CDC42EP4: variants seen among roughly 807,000 people sequenced by gnomAD.
The protein encoded by CDC42EP4 is CDC42 effector protein 4.
In CDC42EP4, 6 loss-of-function variants were observed where a neutral mutation model predicts 5.6. The ratio of observed to expected loss-of-function variants is 1.07; its 90% confidence interval spans 0.59 to 2.12. The LOEUF (loss-of-function observed/expected upper bound fraction) is 2.12. Ranked by LOEUF, CDC42EP4 falls within the 30% of genes most tolerant of loss-of-function variation. The pLI is 0.00. For missense variants in CDC42EP4, 490 were observed against 508.6 expected (o/e 0.96, Z 0.35); for synonymous variants, 230 against 224.2 (o/e 1.03, Z -0.23).
At chr17:73,297,515 C>A (rs775991284) in intron 1 of CDC42EP4, among the ~76,000 whole-genome samples, 7 of 151,966 alleles carry the variant, frequency 4.6e-5, no homozygotes, top group African/African-American at 1.7e-4. Context: ...GAAAAACAGG[C>A]AGAACATATA....
intron 1 of CDC42EP4, among the ~76,000 whole-genome samples, chr17:73,297,651 GTTTA>G (rs535638965): frequency 4.6e-5 from 7 of 151,244 alleles, no homozygotes; most frequent in South Asian, 4.2e-4. Context: ...TTTTCTTTTT[GTTTA>G]TTTATTTATT....
chr17:73,287,942 G>A (rs912792887), intron 1 of CDC42EP4, among the ~76,000 whole-genome samples: 3 of 152,082 alleles, frequency 2.0e-5, no homozygotes, highest in African/African-American at 7.2e-5. Context: ...CCATCCACAT[G>A]ACGCCCTACC....
At chr17:73,304,441 C>G (rs185196238) in intron 1 of CDC42EP4, among the ~76,000 whole-genome samples, 1 of 152,024 alleles carries the variant, frequency 6.6e-6, no homozygotes, top group Non-Finnish European at 1.5e-5. Context: ...TAGTCATACA[C>G]GGTCCCAAGC....
In CDC42EP4 at chr17:73,296,962, A is replaced by C. The variant is rs1353011654; in HGVS notation, c.-112-10350T>G. Among the ~76,000 whole-genome samples the C allele has an allele frequency of 5.0e-5, 6 of 119,028 alleles. 1 individual carries two copies. The highest frequency in any genetic ancestry group is 6.0e-4 in the South Asian group (2 of 3,340). 78.1% of individuals were successfully genotyped at this position (119,028 alleles called of 152,430 possible). ...CGCCACTGCAGTCTGGCCTGGGCGA[A>C]AGAGCAAGACTCCGTCTCAAAAAAA... On this transcript the variant is annotated intron_variant, in intron 1 of 1. Coordinates refer to ENST00000335793, the MANE Select transcript of CDC42EP4 (RefSeq NM_012121.5).
chr17:73,287,244 G>A (rs1187327737), intron 1 of CDC42EP4, among the ~76,000 whole-genome samples: 1 of 152,210 alleles, frequency 6.6e-6, no homozygotes, highest in African/African-American at 2.4e-5. Flanking sequence ...CACAGAACCA[G>A]CTCCCCAGCC....
intron 1 of CDC42EP4, among the ~76,000 whole-genome samples, chr17:73,288,953 A>G (rs2062147215): frequency 6.6e-6 from 1 of 152,118 alleles, no homozygotes; most frequent in Non-Finnish European, 1.5e-5. Context: ...CCTTGAGATG[A>G]TACTCTACTC....
In CDC42EP4 at chr17:73,286,014, C is replaced by T. The variant is rs2062131069; in HGVS notation, c.487G>A (p.Val163Met). ...CCCGCGGCCCCATTCCGACGGGGCA[C>T]TGCCTCCTCCGTGCCCGCCTCCTCA... is the stretch of plus-strand genomic sequence containing the variant. ...GDEEAGTEEA[V>M]PRRNGAAGPH... The change falls in exon 2 of 2, where the codon GTG (valine) becomes ATG (methionine). Residue 163 changes from valine (V) to methionine (M), a missense_variant. By Grantham distance (21) the Val-to-Met change is conservative. Transcript: ENST00000335793. The surrounding 1 kb of genome is among the most constrained non-coding windows in gnomAD (Gnocchi z 7.7). 1 of 1,613,536 alleles carries T rather than the reference C, an allele frequency of 6.2e-7. No homozygotes were observed. The highest frequency in any genetic ancestry group is 1.1e-5 in the South Asian group (1 of 91,082).
chr17:73,298,820 T>C (rs547573811), intron 1 of CDC42EP4, among the ~76,000 whole-genome samples: 5 of 152,362 alleles, frequency 3.3e-5, no homozygotes, highest in African/African-American at 1.2e-4. Context: ...TGCCAAGCAC[T>C]GTACTGAGGA....
Position 73,285,939 on chromosome 17 carries a change from T to C in CDC42EP4, c.562A>G (p.Thr188Ala). ...LLDEQAFGDL[T>A]DLPVVPKATY... Reference sequence around the variant, plus strand: ...GCCTTGGGCACGACAGGCAGATCTGTCAGATCCCCAAAGGCCTGCTCATCG... The same window carrying C: ...GCCTTGGGCACGACAGGCAGATCTGCCAGATCCCCAAAGGCCTGCTCATCG... Residue 188 changes from threonine to alanine, a missense_variant, in exon 2 of 2, where the codon ACA becomes GCA. Thr to Ala is a moderately conservative substitution (Grantham distance 58). Transcript: ENST00000335793. The surrounding 1 kb of genome is among the most constrained non-coding windows in gnomAD (Gnocchi z 6.8). 1.2e-6 allele frequency: 2 copies of C among 1,613,822 alleles called. No homozygotes were observed. The highest frequency in any genetic ancestry group is 4.5e-5 in the East Asian group (2 of 44,870).
intron 1 of CDC42EP4, among the ~76,000 whole-genome samples, chr17:73,310,427 C>A (rs1256281551): frequency 6.6e-6 from 1 of 152,076 alleles, no homozygotes; most frequent in Non-Finnish European, 1.5e-5. Context: ...CCCTCCAGCA[C>A]CCTGGACCCT....
intron 1 of CDC42EP4, among the ~76,000 whole-genome samples, chr17:73,289,577 C>G (rs2062150635): frequency 2.3e-5 from 2 of 85,748 alleles, no homozygotes; most frequent in African/African-American, 7.0e-5. Context: ...GAAAAAAAAC[C>G]ACCAAAAAGC....
chr17:73,288,925 G>A lies in CDC42EP4; in HGVS notation c.-112-2313C>T, dbSNP rs1223219334. ...GCAGACTTGCCACACAGTGACGTGG[G>A]CGAGGACGTGAGGGATGCCTTGAGA... On this transcript the variant is annotated intron_variant, in intron 1 of 1. Coordinates refer to ENST00000335793, the MANE Select transcript of CDC42EP4 (RefSeq NM_012121.5). Among the ~76,000 whole-genome samples, 3 of 152,206 alleles carry A rather than the reference G, an allele frequency of 2.0e-5. No individual in the cohort carries two copies. The South Asian group carries it at 6.2e-4, about 32-fold the overall frequency.
chr17:73,285,610 G>A lies in CDC42EP4; in HGVS notation c.891C>T (p.Arg297=), dbSNP rs1376077494. The A allele has an allele frequency of 1.2e-6, 2 of 1,607,594 alleles. No individual in the cohort carries two copies. Among genetic ancestry groups the A allele is most frequent in the Non-Finnish European group, 1.7e-6 (2 of 1,177,012 alleles). ...AAAAPSPGSA[R]SMGSHTTRDS... is the part of the protein sequence containing the mutation. ...CCCGTGTGGTGTGGCTGCCCATGCT[G>A]CGGGCTGAGCCGGGGCTGGGGGCCG... The change falls in exon 2 of 2, where the codon CGC becomes CGT. Residue 297 remains arginine (R), a synonymous_variant. Coordinates refer to ENST00000335793, the MANE Select transcript of CDC42EP4 (RefSeq NM_012121.5). This position sits in a 1 kb window ranked among gnomAD's most constrained non-coding sequence, Gnocchi z 6.8.
At chr17:73,310,617 G>C (rs1033949770) in intron 1 of CDC42EP4, among the ~76,000 whole-genome samples, 2 of 152,102 alleles carry the variant, frequency 1.3e-5, no homozygotes, top group African/African-American at 4.8e-5. Flanking sequence ...AACGAGAAAA[G>C]AAAAGGCATT....
At chr17:73,291,795 A>C (rs2062162630) in intron 1 of CDC42EP4, among the ~76,000 whole-genome samples, 1 of 152,166 alleles carries the variant, frequency 6.6e-6, no homozygotes, top group East Asian at 1.9e-4. Flanking sequence ...CTCCGGAGGA[A>C]CAGATTCCTC....
At chr17:73,297,129 A>G (rs1337379957) in intron 1 of CDC42EP4, among the ~76,000 whole-genome samples, 1 of 150,756 alleles carries the variant, frequency 6.6e-6, no homozygotes, top group Non-Finnish European at 1.5e-5. Context: ...CCCCATCTCT[A>G]CTAAAAATAC....
rs1071577 is a variant in CDC42EP4, at chr17:73,284,074, G to A, written c.*1356C>T. ...AGTTACAGGACTCAGAGAGAAACGT[G>A]AATTTCAGAAAAACAAATCATTTTT... On this transcript the variant is annotated 3_prime_UTR_variant, in exon 2 of 2. Transcript: ENST00000335793. 59,237 of 152,154 alleles carry A rather than the reference G, an allele frequency of 0.39. 11,696 individuals are homozygous for A. Among genetic ancestry groups the A allele is most frequent in the South Asian group, 0.52 (2,501 of 4,828 alleles). The allele number at this position is 152,154 out of a possible 1,614,324, so 9.4% of individuals were successfully genotyped here. A position where few individuals can be genotyped will look rare whatever the true frequency, so the allele number is the denominator to read the frequency against.
chr17:73,309,038 C>CCAAAAAAAAA (rs555502875), intron 1 of CDC42EP4, among the ~76,000 whole-genome samples: 7 of 33,994 alleles, frequency 2.1e-4, no homozygotes, highest in Non-Finnish European at 2.4e-4. Flanking sequence ...GCTCTGTCTC[C>CCAAAAAAAAA]AAAAAAAAAA....
chr17:73,287,578 C>A (rs1599429291), intron 1 of CDC42EP4, among the ~76,000 whole-genome samples: 1 of 152,332 alleles, frequency 6.6e-6, no homozygotes. Context: ...TGGGGCCAAA[C>A]CAGCCCCTCT....
Sources: gnomAD v4.1 joint callset for allele counts (sites outside exome capture counted in the v4.1 genomes callset) on GRCh38, gnomAD v4.1.1 for gene constraint, Gnocchi (gnomAD v3.1) non-coding constraint, MANE v1.5 for transcripts, NCBI Gene and HGNC (gene_info 2026-07-23, HGNC 2026-07-21) for gene names.